The following AK9 variants were observed in gnomAD, a reference collection of about 807,000 sequenced individuals.
AK9 encodes adenylate kinase 9.
AK9 carries 191 observed loss-of-function variants against 239.6 expected under a neutral mutation model. That is an observed-to-expected ratio of 0.80 (90% CI 0.71 to 0.90). AK9 has a LOEUF of 0.90. Ranked by LOEUF, AK9 falls within the 40% of genes least tolerant of loss-of-function variation. The probability of loss-of-function intolerance (pLI) is 0.00; values close to 1 mark genes in which losing one functional copy is unlikely to be tolerated. For synonymous variants in AK9, 689 were observed against 721.0 expected, an observed-to-expected ratio of 0.96 and a Z score of 0.71; for missense variants, 1,995 against 2,214.7, an observed-to-expected ratio of 0.90 and a Z score of 1.99.
intron 25 of AK9, 32 bp from the exon 26 acceptor site, chr6:109,546,159 G>GT: frequency 3.6e-6 from 3 of 833,718 alleles, no homozygotes; most frequent in African/African-American, 1.8e-5. Flanking sequence ...GGAGGGGTGG[G>GT]ATAAAGGGAG....
At chr6:109,655,619 C>T (rs571766826) in intron 8 of AK9, among the ~76,000 whole-genome samples, 60 of 152,212 alleles carry the variant, frequency 3.9e-4, no homozygotes, top group Admixed American at 7.9e-4. Context: ...TACTGCTTGC[C>T]AGACTTTGGG....
intron 21 of AK9, among the ~76,000 whole-genome samples, chr6:109,570,605 G>T (rs1787291535): frequency 6.6e-6 from 1 of 152,034 alleles, no homozygotes; most frequent in Non-Finnish European, 1.5e-5. Context: ...TAGGAGAGAG[G>T]CAATAAGGTG....
At chr6:109,520,897 G>A (rs1779790644) in intron 29 of AK9, among the ~76,000 whole-genome samples, 1 of 151,960 alleles carries the variant, frequency 6.6e-6, no homozygotes, top group Non-Finnish European at 1.5e-5. Context: ...TCTTGATTTG[G>A]CTCTAAGCTT....
At chr6:109,619,472 T>C (rs1016392626) in intron 12 of AK9, among the ~76,000 whole-genome samples, 33 of 152,092 alleles carry the variant, frequency 2.2e-4, no homozygotes, top group Non-Finnish European at 4.1e-4. Flanking sequence ...GTATTTATCA[T>C]GTAGTATATA....
chr6:109,533,597 T>A, intron 27 of AK9, 127 bp from the exon 28 acceptor site: 1 of 612,194 alleles, frequency 1.6e-6, no homozygotes, highest in Non-Finnish European at 2.5e-6. Flanking sequence ...ATATATACAT[T>A]CTTTACTTGT....
chr6:109,641,723 G>T, intron 9 of AK9, 107 bp from the exon 10 acceptor site: 1 of 928,050 alleles, frequency 1.1e-6, no homozygotes, highest in Non-Finnish European at 1.6e-6. Context: ...CTGACTCTGG[G>T]TCGAATCCTT....
At chr6:109,551,125 C>G (rs1291533253) in intron 24 of AK9, among the ~76,000 whole-genome samples, 1 of 152,100 alleles carries the variant, frequency 6.6e-6, no homozygotes, top group African/African-American at 2.4e-5. Context: ...TTACATCATA[C>G]TTCTTTCCAC....
chr6:109,634,605 C>T (rs1187912263), intron 10 of AK9, among the ~76,000 whole-genome samples: 1 of 152,200 alleles, frequency 6.6e-6, no homozygotes, highest in East Asian at 1.9e-4. Flanking sequence ...AACAAAGAGG[C>T]ATGTGCACTG....
rs1777201110 is a variant in AK9 at position 109,497,517 on chromosome 6, G to A, written c.5263C>T (p.His1755Tyr). The A allele has an allele frequency of 1.3e-5, 21 of 1,610,052 alleles. No homozygotes were observed. Among genetic ancestry groups the A allele is most frequent in the Non-Finnish European group, 1.8e-5 (21 of 1,176,794 alleles). ...PGSINYALEY[H>Y]NRIYICENKE... Reference sequence around the variant, plus strand: ...TTCTCACAAATATATATACGATTATGATATTCTAAAGCATAGTTAATGCTA... The same window carrying A: ...TTCTCACAAATATATATACGATTATAATATTCTAAAGCATAGTTAATGCTA... Residue 1755 changes from histidine (H) to tyrosine (Y), a missense_variant, in exon 38 of 41, where the codon CAT becomes TAT. This residue lies in a region of AK9 where 391 missense variants were observed against 456.0 expected (regional missense o/e 0.86). Coordinates refer to ENST00000424296, the MANE Select transcript of AK9 (RefSeq NM_001145128.3).
Position 109,689,980 on chromosome 6 carries a change from G to C in AK9, c.-12+1167C>G, listed in dbSNP as rs146834825. 3.7e-4 allele frequency among the ~76,000 whole-genome samples: 57 copies of C among 152,246 alleles called. 1 individual carries two copies. In the East Asian group the frequency reaches 9.1e-3, roughly 24 times the overall value. On this transcript the variant is annotated intron_variant, in intron 1 of 40. Coordinates refer to ENST00000424296, the MANE Select transcript of AK9 (RefSeq NM_001145128.3). ...GCCATCCTTCTAGTTCTTAATAAAA[G>C]GAGTACCAAACTACAGGGGGAAAGA...
chr6:109,643,965 A>G (rs1797746501), intron 9 of AK9, among the ~76,000 whole-genome samples: 1 of 152,114 alleles, frequency 6.6e-6, no homozygotes, highest in South Asian at 2.1e-4. Flanking sequence ...TTTTGTCTTT[A>G]TGCTATGAAC....
intron 29 of AK9, among the ~76,000 whole-genome samples, chr6:109,521,837 T>G (rs1171596366): frequency 6.6e-6 from 1 of 152,060 alleles, no homozygotes; most frequent in Non-Finnish European, 1.5e-5. Context: ...GCCCCATATT[T>G]GAATAATACT....
Position 109,675,519 on chromosome 6 carries a change from G to C in AK9, c.117+110C>G, listed in dbSNP as rs1583540451. 4.6e-6 allele frequency: 3 copies of C among 646,326 alleles called. No homozygotes were observed. In the East Asian group the frequency reaches 9.4e-5, roughly 20 times the overall value. The allele number at this position is 646,326 out of a possible 1,614,324, so 40.0% of individuals were successfully genotyped here. On this transcript the variant is annotated intron_variant, in intron 2 of 40. Coordinates refer to ENST00000424296, the MANE Select transcript of AK9 (RefSeq NM_001145128.3). ...TAAGTCATATAATAAAAGCTTATCA[G>C]ACACTCAAAAAATGAGCACAATATG...
intron 16 of AK9, among the ~76,000 whole-genome samples, chr6:109,611,037 T>C (rs1202982575): frequency 6.6e-6 from 1 of 152,138 alleles, no homozygotes; most frequent in Non-Finnish European, 1.5e-5. Context: ...CTGAGTTGGC[T>C]CTCAGGCTGC....
At chr6:109,598,873 G>A (rs9400305) in intron 17 of AK9, among the ~76,000 whole-genome samples, 2 of 151,952 alleles carry the variant, frequency 1.3e-5, no homozygotes, top group African/African-American at 4.8e-5. Context: ...AAATGTCTTC[G>A]TTTGAGAAGT....
At chr6:109,660,055 A>G (rs962033616) in intron 6 of AK9, among the ~76,000 whole-genome samples, 1 of 152,198 alleles carries the variant, frequency 6.6e-6, no homozygotes, top group Admixed American at 6.5e-5. Flanking sequence ...ACCCTGTAAG[A>G]TAAGCAATCC....
chr6:109,602,893 T>C (rs1792236685), intron 17 of AK9, among the ~76,000 whole-genome samples: 1 of 152,222 alleles, frequency 6.6e-6, no homozygotes, highest in Admixed American at 6.5e-5. Flanking sequence ...ATTCGTCACG[T>C]AGTTCTCGTG....
intron 35 of AK9, among the ~76,000 whole-genome samples, 195 bp from the exon 36 acceptor site, chr6:109,499,435 T>C (rs1034341288): frequency 7.9e-5 from 12 of 152,204 alleles, no homozygotes; most frequent in Admixed American, 2.0e-4. Flanking sequence ...GAGGTAATCA[T>C]CACTGTTGGA....
intron 21 of AK9, among the ~76,000 whole-genome samples, chr6:109,571,669 G>A (rs1376236609): frequency 1.3e-5 from 2 of 151,960 alleles, no homozygotes; most frequent in East Asian, 1.9e-4. Context: ...GAAACACACC[G>A]TTCAACATCA....
Sources: gnomAD v4.1 joint callset for allele counts (sites outside exome capture counted in the v4.1 genomes callset) on GRCh38, gnomAD v4.1.1 for gene constraint, gnomAD v4.1.1 regional missense constraint, MANE v1.5 for transcripts, NCBI Gene and HGNC (gene_info 2026-07-23, HGNC 2026-07-21) for gene names.